The following CEP350 variants were observed in gnomAD, a reference collection of about 807,000 sequenced individuals.
CEP350 encodes the protein centrosome-associated protein 350.
CEP350 carries 126 observed loss-of-function variants against 331.8 expected under a neutral mutation model. That is an observed-to-expected ratio of 0.38 (90% CI 0.33 to 0.44). The LOEUF (loss-of-function observed/expected upper bound fraction) is 0.44. Among genes scored for constraint, CEP350 ranks in the 20% least tolerant of loss-of-function variants. The pLI is 1.00. For missense variants in CEP350, 3,406 were observed against 3,634.6 expected, an observed-to-expected ratio of 0.94 and a Z score of 1.62; for synonymous variants, 1,200 against 1,259.5, an observed-to-expected ratio of 0.95 and a Z score of 1.00.
intron 34 of CEP350, 119 bp from the exon 35 acceptor site, chr1:180,095,404 C>T: frequency 6.8e-6 from 8 of 1,181,022 alleles, no homozygotes; most frequent in Non-Finnish European, 9.1e-6. Context: ...GTTTTTTATT[C>T]TGCTTACTTA....
intron 25 of CEP350, among the ~76,000 whole-genome samples, chr1:180,061,679 T>G (rs1271377313): frequency 6.6e-6 from 1 of 152,190 alleles, no homozygotes; most frequent in Admixed American, 6.5e-5. Flanking sequence ...GGGGCAGTCC[T>G]TTTTTGAAAG....
chr1:179,986,805 T>C (rs542302340), intron 2 of CEP350, among the ~76,000 whole-genome samples: 2 of 152,320 alleles, frequency 1.3e-5, no homozygotes, highest in East Asian at 3.8e-4. Flanking sequence ...AGGGTTGTTA[T>C]CTGAAAGACT....
At chr1:179,995,986 G>C (rs1161378613) in intron 5 of CEP350, among the ~76,000 whole-genome samples, 1 of 152,140 alleles carries the variant, frequency 6.6e-6, no homozygotes, top group Non-Finnish European at 1.5e-5. Context: ...AGATTTTATA[G>C]AGTAGCAAAT....
At position 180,080,513 on chromosome 1, in the gene CEP350, A is replaced by G; in HGVS notation, c.5980-4A>G. ...AGTTTCCATTTGGTTTTCTGTTTGAACAGTCACTTCCCAAAAGCTGCACAT... is the reference window on the plus strand; with the variant it reads ...AGTTTCCATTTGGTTTTCTGTTTGAGCAGTCACTTCCCAAAAGCTGCACAT... On this transcript the variant is annotated splice_region_variant and splice_polypyrimidine_tract_variant and intron_variant, in intron 29 of 37. Transcript: ENST00000367607. 3 of 1,611,954 alleles carry G rather than the reference A, an allele frequency of 1.9e-6. No individual in the cohort carries two copies. The highest frequency in any genetic ancestry group is 2.5e-6 in the Non-Finnish European group (3 of 1,179,184).
chr1:180,014,336 G>A lies in CEP350; in HGVS notation c.1883G>A (p.Arg628Gln), dbSNP rs1654837019. Residue 628 changes from arginine (R) to glutamine (Q), a missense_variant, in exon 10 of 38, where the codon CGA (arginine) becomes CAA (glutamine). Arg to Gln is a conservative substitution (Grantham distance 43). Coordinates refer to ENST00000367607, the MANE Select transcript of CEP350 (RefSeq NM_014810.5). ...QKEATEQKNK[R>Q]LQELYRKQKE... ...GAGGCTACAGAACAGAAAAACAAAC[G>A]ATTACAAGAGCTCTACCGGAAGCAG... 1.9e-6 allele frequency: 3 copies of A among 1,589,946 alleles called. No homozygotes were observed. Among genetic ancestry groups the A allele is most frequent in the East Asian group, 2.3e-5 (1 of 44,150 alleles).
rs144824964 is a variant in CEP350 at position 180,036,217 on chromosome 1, T to C, written c.3947-709T>C. 3.3e-4 allele frequency among the ~76,000 whole-genome samples: 51 copies of C among 152,350 alleles called. No homozygotes were observed. The East Asian group carries it at 3.7e-3, about 11-fold the overall frequency. On this transcript the variant is annotated intron_variant, in intron 16 of 37. Coordinates refer to ENST00000367607, the MANE Select transcript of CEP350 (RefSeq NM_014810.5). ...TGAATGAATGAGTAGTTGCTTCTTA[T>C]GCATGAGCAAAGAAAGTGGTTTCTT...
At chr1:179,991,437 G>A (rs146263234) in intron 4 of CEP350, among the ~76,000 whole-genome samples, 1,749 of 148,456 alleles carry the variant, frequency 0.012, 36 homozygotes, top group African/African-American at 0.04. Context: ...CTGAGTAGCC[G>A]CGCCACCGGG....
At position 180,020,058 on chromosome 1, in the gene CEP350, C is replaced by A; in HGVS notation, c.2284C>A (p.Leu762Ile). The A allele has an allele frequency of 6.2e-7, 1 of 1,614,026 alleles. No homozygotes were observed. The highest frequency in any genetic ancestry group is 8.5e-7 in the Non-Finnish European group (1 of 1,179,892). ...AACAGCTGGAAGTTTACTCTCCCAT[C>A]TCTTGAGTTTAGAGCATGTAGGAAT... ...AGTAGSLLSH[L>I]LSLEHVGILH... Residue 762 changes from leucine (L) to isoleucine (I), a missense_variant, in exon 12 of 38, where the codon CTC (leucine) becomes ATC (isoleucine). Around this residue, in one of 5 missense-constraint regions of CEP350, gnomAD observed 1,857 missense variants for 1,909.2 expected, o/e 0.97. Transcript: ENST00000367607.
chr1:180,011,114 A>C (rs1369002998), intron 8 of CEP350, among the ~76,000 whole-genome samples: 1 of 152,084 alleles, frequency 6.6e-6, no homozygotes, highest in African/African-American at 2.4e-5. Context: ...TATTTATTGA[A>C]ACATTTTTTT....
At chr1:179,958,468 C>G (rs921863629) in intron 1 of CEP350, among the ~76,000 whole-genome samples, 12 of 152,084 alleles carry the variant, frequency 7.9e-5, no homozygotes, top group African/African-American at 2.9e-4. Flanking sequence ...AGTTAAAAGT[C>G]TAGTATTTTT....
intron 36 of CEP350, among the ~76,000 whole-genome samples, chr1:180,096,527 T>A (rs1009893197): frequency 6.6e-6 from 1 of 152,164 alleles, no homozygotes; most frequent in East Asian, 1.9e-4. Flanking sequence ...AGGTAAGTTT[T>A]GGGGGCTTTA....
Position 180,014,164 on chromosome 1 carries a change from A to G in CEP350, c.1711A>G (p.Arg571Gly). 1.2e-6 allele frequency: 2 copies of G among 1,608,702 alleles called. No homozygotes were observed. The highest frequency in any genetic ancestry group is 2.2e-5 in the South Asian group (2 of 89,876). ...TCCTAGGAGTCACAGCCCAGTAAAA[A>G]GAAAACCTGACAAAATAACAGCTAA... Reference protein sequence around the residue: ...HAPRSHSPVKRKPDKITANED... With the variant: ...HAPRSHSPVKGKPDKITANED... The change falls in exon 10 of 38, where the codon AGA (arginine) becomes GGA (glycine). Residue 571 changes from arginine to glycine, a missense_variant. Around this residue, in one of 5 missense-constraint regions of CEP350, gnomAD observed 1,857 missense variants for 1,909.2 expected, o/e 0.97. Transcript: ENST00000367607.
chr1:180,062,844 A>G (rs1480906180), intron 26 of CEP350, among the ~76,000 whole-genome samples: 3 of 152,252 alleles, frequency 2.0e-5, no homozygotes, highest in Non-Finnish European at 4.4e-5. Flanking sequence ...TCTTAATGTT[A>G]CAATGAGAAT....
chr1:180,011,282 T>A (rs1033560942), intron 8 of CEP350, among the ~76,000 whole-genome samples: 2 of 151,240 alleles, frequency 1.3e-5, no homozygotes, highest in African/African-American at 4.9e-5. Context: ...TTGTTAACTC[T>A]TTGTTATATG....
intron 9 of CEP350, 131 bp downstream of exon 9, chr1:180,012,206 A>G (rs1257267674): frequency 1.3e-6 from 1 of 783,726 alleles, no homozygotes; most frequent in Non-Finnish European, 2.0e-6. Context: ...TCAAAAAAGA[A>G]AAAAATGTTC....
chr1:179,960,818 G>A (rs1020893662), intron 1 of CEP350, among the ~76,000 whole-genome samples: 1 of 151,726 alleles, frequency 6.6e-6, no homozygotes, highest in Admixed American at 6.6e-5. Flanking sequence ...TTTATTTTTC[G>A]ATCTGCTACT....
chr1:180,094,100 A>G lies in CEP350; in HGVS notation c.7995A>G (p.Glu2665=), dbSNP rs1424956125. Residue 2665 remains glutamate (E), a synonymous_variant, in exon 34 of 38, where the codon GAA becomes GAG. Coordinates refer to ENST00000367607, the MANE Select transcript of CEP350 (RefSeq NM_014810.5). ...SSVDSQISSK[E]NKDLISDATE... ...TGGATTCACAGATTTCTTCAAAGGA[A>G]AACAAAGACCTCATTTCTGATGCCA... 1.2e-6 allele frequency: 2 copies of G among 1,613,842 alleles called. No homozygotes were observed. The highest frequency in any genetic ancestry group is 2.7e-5 in the African/African-American group (2 of 74,950).
chr1:180,096,962 C>T (rs895766411), intron 36 of CEP350, among the ~76,000 whole-genome samples: 2 of 152,102 alleles, frequency 1.3e-5, no homozygotes, highest in African/African-American at 4.8e-5. Flanking sequence ...AACAAGCTCT[C>T]AAGTCATGCT....
In CEP350 at chr1:180,013,957, A is replaced by G; in HGVS notation, c.1504A>G (p.Lys502Glu). The change falls in exon 10 of 38, where the codon AAG (lysine) becomes GAG (glutamate). Residue 502 changes from lysine to glutamate, a missense_variant. Physicochemically the swap from Lys to Glu is moderately conservative, Grantham distance 56. Transcript: ENST00000367607. ...RSKSRSENNI[K>E]KLASSLPDNK... is the part of the protein sequence containing the mutation. ...TAAATCTCGGTCTGAAAATAATATA[A>G]AGAAACTAGCTTCATCTCTTCCAGA... The G allele has an allele frequency of 6.2e-7, 1 of 1,613,810 alleles. No homozygotes were observed. The highest frequency in any genetic ancestry group is 8.5e-7 in the Non-Finnish European group (1 of 1,179,740).
Sources: gnomAD v4.1 joint callset for allele counts (sites outside exome capture counted in the v4.1 genomes callset) on GRCh38, gnomAD v4.1.1 for gene constraint, gnomAD v4.1.1 regional missense constraint, MANE v1.5 for transcripts, NCBI Gene and HGNC (gene_info 2026-07-23, HGNC 2026-07-21) for gene names.